Variants in SLIT2 observed in about 807,000 individuals in gnomAD.
SLIT2 encodes the protein slit guidance ligand 2, also known as slit homolog 2 protein.
SLIT2 carries 41 observed loss-of-function variants against 185.7 expected under a neutral mutation model. That is an observed-to-expected ratio of 0.22 (90% CI 0.17 to 0.29). The LOEUF is 0.29. SLIT2 is among the 10% of genes least tolerant of loss of function. SLIT2 has a pLI of 1.00. For missense variants in SLIT2, 1,571 were observed against 1,909.0 expected, an observed-to-expected ratio of 0.82 and a Z score of 3.30; for synonymous variants, 693 against 680.2, an observed-to-expected ratio of 1.02 and a Z score of -0.29.
intron 22 of SLIT2, 134 bp from the exon 23 acceptor site, chr4:20,548,354 T>G: frequency 1.7e-6 from 1 of 600,276 alleles, no homozygotes; most frequent in Non-Finnish European, 3.0e-6. Flanking sequence ...TCGTTCACTG[T>G]TTTATTGTTT....
intron 32 of SLIT2, among the ~76,000 whole-genome samples, chr4:20,596,955 C>T (rs1183780550): frequency 6.6e-6 from 1 of 151,838 alleles, no homozygotes; most frequent in Admixed American, 6.6e-5. Context: ...TATGGCTCTG[C>T]AGTTCAGCCT....
At chr4:20,579,682 T>C (rs998708829) in intron 29 of SLIT2, among the ~76,000 whole-genome samples, 3 of 151,970 alleles carry the variant, frequency 2.0e-5, no homozygotes, top group African/African-American at 7.2e-5. Flanking sequence ...GCAGCTTTTG[T>C]TGGCGAAATA....
At position 20,261,894 on chromosome 4, in the gene SLIT2, T is replaced by G. The variant is rs375338389; in HGVS notation, c.323+3955T>G. On this transcript the variant is annotated intron_variant, in intron 3 of 36. Coordinates refer to ENST00000504154, the MANE Select transcript of SLIT2 (RefSeq NM_004787.4). ...AGTGTTCATCTTTTCCCACCAATACTTGGTAAATGTGTGCTTTTAAGACAA... is the reference window on the plus strand; with the variant it reads ...AGTGTTCATCTTTTCCCACCAATACGTGGTAAATGTGTGCTTTTAAGACAA... Among the ~76,000 whole-genome samples the G allele has an allele frequency of 5.9e-5, 9 of 151,954 alleles. No individual in the cohort carries two copies. The East Asian group carries it at 1.2e-3, about 20-fold the overall frequency.
At chr4:20,387,819 C>T (rs1725049905) in intron 4 of SLIT2, among the ~76,000 whole-genome samples, 1 of 152,112 alleles carries the variant, frequency 6.6e-6, no homozygotes, top group Non-Finnish European at 1.5e-5. Flanking sequence ...GAAGTGGGTT[C>T]TCCCCTATGC....
rs149049408 is a variant in SLIT2, at chr4:20,527,035, G to A, written c.1462+1863G>A. 1.4e-4 allele frequency among the ~76,000 whole-genome samples: 22 copies of A among 152,258 alleles called. No individual in the cohort carries two copies. In the East Asian group the frequency reaches 3.5e-3, roughly 24 times the overall value. Reference sequence around the variant, plus strand: ...CATTAACTGCCAAATGTAATGAAACGATTATATTTACCATCGCAAACTTCT... The same window carrying A: ...CATTAACTGCCAAATGTAATGAAACAATTATATTTACCATCGCAAACTTCT... On this transcript the variant is annotated intron_variant, in intron 15 of 36. Coordinates refer to ENST00000504154, the MANE Select transcript of SLIT2 (RefSeq NM_004787.4).
At chr4:20,589,202 G>A (rs577160656) in intron 29 of SLIT2, among the ~76,000 whole-genome samples, 3 of 152,226 alleles carry the variant, frequency 2.0e-5, no homozygotes, top group South Asian at 2.1e-4. Context: ...AAGGCTTCTG[G>A]GGTGCTGGTA....
chr4:20,578,162 A>C (rs553509736), intron 29 of SLIT2, among the ~76,000 whole-genome samples: 1 of 152,352 alleles, frequency 6.6e-6, no homozygotes, highest in South Asian at 2.1e-4. Flanking sequence ...TGCAAGAAGC[A>C]ATCAAATAAG....
chr4:20,447,567 A>G (rs1201840978), intron 4 of SLIT2, among the ~76,000 whole-genome samples: 1 of 152,216 alleles, frequency 6.6e-6, no homozygotes, highest in Non-Finnish European at 1.5e-5. Flanking sequence ...AGAAGTTATC[A>G]CAGGAGCAGG....
rs139471497 is a variant in SLIT2, at chr4:20,463,574, A to G, written c.396-4178A>G. Among the ~76,000 whole-genome samples, 313 of 145,188 alleles carry G rather than the reference A, an allele frequency of 2.2e-3. 12 individuals carry two copies. The East Asian group carries it at 0.054, about 25-fold the overall frequency. On this transcript the variant is annotated intron_variant, in intron 4 of 36. Transcript: ENST00000504154. Reference sequence around the variant, plus strand: ...ATGTATATCTCACATCTCTCCAACTAGATTTAAAAAATTTTCAAGGCCGGG... The same window carrying G: ...ATGTATATCTCACATCTCTCCAACTGGATTTAAAAAATTTTCAAGGCCGGG...
intron 4 of SLIT2, among the ~76,000 whole-genome samples, chr4:20,318,119 T>C (rs1560312153): frequency 6.6e-6 from 1 of 152,184 alleles, no homozygotes; most frequent in Non-Finnish European, 1.5e-5. Context: ...TATGCTTGTT[T>C]CCAAAGGCTT....
At chr4:20,486,306 A>G in intron 7 of SLIT2, 35 bp downstream of exon 7, 1 of 1,197,390 alleles carries the variant, frequency 8.4e-7, no homozygotes, top group Non-Finnish European at 1.2e-6. Context: ...AGTCATATTA[A>G]TCAATTAAAG....
intron 11 of SLIT2, among the ~76,000 whole-genome samples, chr4:20,511,761 T>G (rs1465107169): frequency 1.3e-5 from 2 of 151,560 alleles, no homozygotes; most frequent in Non-Finnish European, 2.9e-5. Context: ...AAGAAAATAT[T>G]TATTTTGGAA....
intron 15 of SLIT2, 52 bp downstream of exon 15, chr4:20,525,224 A>G (rs1360752205): frequency 1.5e-6 from 2 of 1,355,572 alleles, no homozygotes; most frequent in Non-Finnish European, 2.1e-6. Context: ...TCCTCACCTT[A>G]TAAAATATAG....
intron 9 of SLIT2, among the ~76,000 whole-genome samples, chr4:20,494,318 G>A (rs1718038004): frequency 6.6e-6 from 1 of 152,176 alleles, no homozygotes; most frequent in African/African-American, 2.4e-5. Context: ...AAGGAGTAAT[G>A]GAGAAAAATA....
chr4:20,469,739 C>T (rs1414303300), intron 5 of SLIT2, among the ~76,000 whole-genome samples: 1 of 145,972 alleles, frequency 6.9e-6, no homozygotes, highest in Admixed American at 7.0e-5. Context: ...CTTCATTAAG[C>T]CTTAGTTTTT....
At chr4:20,611,653 G>A (rs969847048) in intron 34 of SLIT2, among the ~76,000 whole-genome samples, 1 of 152,166 alleles carries the variant, frequency 6.6e-6, no homozygotes, top group African/African-American at 2.4e-5. Context: ...GCTTTTGGAT[G>A]GGTGAAGCCA....
At chr4:20,412,723 AT>A (rs1490474247) in intron 4 of SLIT2, among the ~76,000 whole-genome samples, 6 of 152,090 alleles carry the variant, frequency 3.9e-5, no homozygotes, top group African/African-American at 1.4e-4. Context: ...CAATTTAGCG[AT>A]TTTATATTTT....
intron 4 of SLIT2, among the ~76,000 whole-genome samples, chr4:20,337,777 T>G (rs1437758800): frequency 6.6e-6 from 1 of 152,204 alleles, no homozygotes; most frequent in Non-Finnish European, 1.5e-5. Flanking sequence ...TCTCAACATG[T>G]AGCAGATGGC....
intron 4 of SLIT2, among the ~76,000 whole-genome samples, chr4:20,381,985 T>C (rs980755193): frequency 6.6e-6 from 1 of 151,984 alleles, no homozygotes; most frequent in Non-Finnish European, 1.5e-5. Flanking sequence ...AAAACTCCTT[T>C]TTAAAAATTT....
Sources: gnomAD v4.1 joint callset for allele counts (sites outside exome capture counted in the v4.1 genomes callset) on GRCh38, gnomAD v4.1.1 for gene constraint, MANE v1.5 for transcripts, NCBI Gene and HGNC (gene_info 2026-07-23, HGNC 2026-07-21) for gene names.